Variants in CDC14B observed in about 807,000 individuals in gnomAD.
CDC14B encodes cell division cycle 14B.
CDC14B carries 22 observed loss-of-function variants against 64.2 expected under a neutral mutation model. The observed-to-expected ratio is 0.34, with a 90% CI of 0.24 to 0.49. The LOEUF is 0.49. Among genes scored for constraint, CDC14B ranks in the 20% least tolerant of loss-of-function variants. CDC14B has a pLI of 0.99. For synonymous variants in CDC14B, 191 were observed against 215.8 expected (o/e 0.89, Z 1.01); for missense variants, 498 against 629.9 (o/e 0.79, Z 2.24).
chr9:96,522,789 CA>C lies in CDC14B; in HGVS notation c.1246-187del, dbSNP rs535405663. Among the ~76,000 whole-genome samples, 18 of 152,254 alleles carry C rather than the reference CA, an allele frequency of 1.2e-4. No individual in the cohort carries two copies. The East Asian group carries it at 3.5e-3, about 29-fold the overall frequency. On this transcript the variant is annotated intron_variant, in intron 11 of 13. Transcript: ENST00000375241. The stretch of plus-strand genomic sequence containing the variant: ...CCAAAGTTGACTTTCAGAGACAACA[CA>C]GCAGCACTCTTGTTAGAAAACACAT...
chr9:96,501,305 T>C lies in CDC14B; in HGVS notation c.*2448A>G, dbSNP rs1324788193. ...TCCATCGCAAACCGTCCCAGTGTAC[T>C]TTCAGGGCTATTTAAGGCTCTTAGG... On this transcript the variant is annotated 3_prime_UTR_variant, in exon 14 of 14. Coordinates refer to ENST00000375241, the MANE Select transcript of CDC14B (RefSeq NM_033331.4). The C allele has an allele frequency of 6.6e-6, 1 of 152,230 alleles. No individual in the cohort carries two copies. Among genetic ancestry groups the C allele is most frequent in the Non-Finnish European group, 1.5e-5 (1 of 68,044 alleles). 9.4% of individuals were successfully genotyped at this position (152,230 alleles called of 1,614,324 possible). A position where few individuals can be genotyped will look rare whatever the true frequency, so the allele number is the denominator to read the frequency against.
At chr9:96,618,852 C>A (rs892338525) in intron 1 of CDC14B, 10 of 320,974 alleles carry the variant, frequency 3.1e-5, no homozygotes, top group Non-Finnish European at 5.3e-5. Context: ...CAACCGGGCT[C>A]GCAATCCCTG....
At chr9:96,562,648 TG>T in intron 4 of CDC14B, 44 bp downstream of exon 4, 1 of 1,204,838 alleles carries the variant, frequency 8.3e-7, no homozygotes. Flanking sequence ...AAAGAACCAC[TG>T]TTGTGTGCAT....
chr9:96,514,429 T>A, intron 12 of CDC14B: 1 of 985,404 alleles, frequency 1.0e-6, no homozygotes, highest in Non-Finnish European at 1.2e-6. Flanking sequence ...ATACAGCAGG[T>A]CTGAATGCGC....
chr9:96,546,867 C>A (rs1224580689), intron 5 of CDC14B, among the ~76,000 whole-genome samples: 2 of 151,514 alleles, frequency 1.3e-5, no homozygotes, highest in African/African-American at 4.8e-5. Flanking sequence ...TTGAGACCAT[C>A]CTGGCTAACA....
chr9:96,610,846 C>G (rs1847269419), intron 1 of CDC14B, among the ~76,000 whole-genome samples: 1 of 152,136 alleles, frequency 6.6e-6, no homozygotes, highest in Admixed American at 6.5e-5. Flanking sequence ...TTAACTATCA[C>G]AGAAACCAAC....
chr9:96,516,740 T>C (rs955471938), intron 12 of CDC14B, among the ~76,000 whole-genome samples: 1 of 152,104 alleles, frequency 6.6e-6, no homozygotes, highest in Non-Finnish European at 1.5e-5. Flanking sequence ...CATCCCAAAA[T>C]GCTGGGATTA....
chr9:96,570,761 T>C (rs1028173901), intron 1 of CDC14B, among the ~76,000 whole-genome samples: 2 of 152,204 alleles, frequency 1.3e-5, no homozygotes. Flanking sequence ...TTCAGCTCAT[T>C]ATACCCTGTG....
At chr9:96,505,020 A>G (rs1054791615) in intron 13 of CDC14B, among the ~76,000 whole-genome samples, 2 of 152,146 alleles carry the variant, frequency 1.3e-5, no homozygotes, top group Non-Finnish European at 2.9e-5. Flanking sequence ...CTAAAAATAC[A>G]GAAGAAAATT....
chr9:96,613,235 A>G (rs978597798), intron 1 of CDC14B, among the ~76,000 whole-genome samples: 2 of 152,196 alleles, frequency 1.3e-5, no homozygotes, highest in African/African-American at 2.4e-5. Flanking sequence ...ATTCCCACAG[A>G]CTATCTCAGA....
At chr9:96,516,565 C>T (rs530037349) in intron 12 of CDC14B, among the ~76,000 whole-genome samples, 33 of 152,158 alleles carry the variant, frequency 2.2e-4, no homozygotes, top group African/African-American at 6.0e-4. Flanking sequence ...CTGCAACCTC[C>T]GCTTCCCAGG....
chr9:96,556,550 C>T (rs1158106526), intron 4 of CDC14B, among the ~76,000 whole-genome samples: 3 of 152,094 alleles, frequency 2.0e-5, no homozygotes, highest in Admixed American at 6.5e-5. Context: ...CTCAGATGAA[C>T]TTATATTTCA....
chr9:96,612,237 G>A (rs898360860), intron 1 of CDC14B, among the ~76,000 whole-genome samples: 5 of 152,220 alleles, frequency 3.3e-5, no homozygotes, highest in Non-Finnish European at 7.3e-5. Context: ...AGCAGACAGA[G>A]GAACACACTG....
chr9:96,589,720 A>T (rs1274037875), intron 1 of CDC14B, among the ~76,000 whole-genome samples: 2 of 152,166 alleles, frequency 1.3e-5, no homozygotes, highest in Admixed American at 1.3e-4. Context: ...GCACTTTGGG[A>T]GACCCAGGCA....
chr9:96,527,580 C>T (rs566705623), intron 9 of CDC14B, among the ~76,000 whole-genome samples: 25 of 152,094 alleles, frequency 1.6e-4, no homozygotes, highest in African/African-American at 5.1e-4. Flanking sequence ...TCTTACAAAA[C>T]GGAAACTCTG....
At chr9:96,564,921 T>G in intron 2 of CDC14B, 69 bp from the exon 3 acceptor site, 1 of 977,002 alleles carries the variant, frequency 1.0e-6, no homozygotes, top group Non-Finnish European at 1.5e-6. Flanking sequence ...CTTTTTTGGG[T>G]CTACAAGATC....
intron 13 of CDC14B, among the ~76,000 whole-genome samples, chr9:96,504,011 C>T (rs753679241): frequency 1.3e-5 from 2 of 151,820 alleles, no homozygotes; most frequent in Non-Finnish European, 2.9e-5. Flanking sequence ...CTCAGTTCTG[C>T]AAAAAATAGA....
intron 12 of CDC14B, among the ~76,000 whole-genome samples, chr9:96,512,817 C>T (rs565685985): frequency 2.7e-4 from 41 of 151,966 alleles, no homozygotes; most frequent in African/African-American, 6.0e-4. Flanking sequence ...CACTCCCTTA[C>T]GCACGGAGAA....
At chr9:96,536,442 G>A (rs548453174) in intron 7 of CDC14B, among the ~76,000 whole-genome samples, 6 of 152,192 alleles carry the variant, frequency 3.9e-5, no homozygotes, top group Admixed American at 2.0e-4. Context: ...AAGGACAAGC[G>A]CAAAAAAGGT....
Sources: gnomAD v4.1 joint callset for allele counts (sites outside exome capture counted in the v4.1 genomes callset) on GRCh38, gnomAD v4.1.1 for gene constraint, MANE v1.5 for transcripts, NCBI Gene and HGNC (gene_info 2026-07-23, HGNC 2026-07-21) for gene names.